Variants in ADAMTSL3 observed in about 807,000 individuals in gnomAD.
The protein encoded by ADAMTSL3 is ADAMTS-like protein 3.
ADAMTSL3 carries 128 observed loss-of-function variants against 201.7 expected under a neutral mutation model. The ratio of observed to expected loss-of-function variants is 0.63; its 90% CI spans 0.55 to 0.73. The LOEUF (loss-of-function observed/expected upper bound fraction) is 0.73, where lower values mean the gene tolerates loss of function less well. ADAMTSL3 is among the 30% of genes least tolerant of loss of function. The pLI, the probability that ADAMTSL3 is intolerant of heterozygous loss-of-function variation, is 0.00. For missense variants in ADAMTSL3, 1,990 were observed against 2,119.6 expected (o/e 0.94, Z 1.20); for synonymous variants, 738 against 748.4 (o/e 0.99, Z 0.23).
At chr15:83,697,520 T>C (rs2061702291) in intron 2 of ADAMTSL3, among the ~76,000 whole-genome samples, 1 of 152,236 alleles carries the variant, frequency 6.6e-6, no homozygotes, top group African/African-American at 2.4e-5. Flanking sequence ...GAGCCTCTCC[T>C]TGGCTTTGAC....
chr15:83,877,548 G>T (rs2065199223), intron 9 of ADAMTSL3, among the ~76,000 whole-genome samples: 1 of 152,138 alleles, frequency 6.6e-6, no homozygotes, highest in Non-Finnish European at 1.5e-5. Flanking sequence ...GTAAGTTTCA[G>T]CTTTGTTCTT....
chr15:83,830,431 G>T (rs909295096), intron 6 of ADAMTSL3, among the ~76,000 whole-genome samples: 1 of 152,180 alleles, frequency 6.6e-6, no homozygotes, highest in Non-Finnish European at 1.5e-5. Context: ...GCGAGACCAT[G>T]AAAAACGGAA....
chr15:83,928,257 C>G (rs1468995456), intron 17 of ADAMTSL3, among the ~76,000 whole-genome samples: 3 of 152,126 alleles, frequency 2.0e-5, no homozygotes, highest in Non-Finnish European at 4.4e-5. Context: ...TCAAGACATC[C>G]TCTCATCTCA....
chr15:84,025,570 T>C (rs553209889), intron 27 of ADAMTSL3, 134 bp downstream of exon 27: 76 of 819,740 alleles, frequency 9.3e-5, no homozygotes, highest in Non-Finnish European at 1.3e-4. Context: ...AATGAATGTA[T>C]GTCTTTGACC....
intron 2 of ADAMTSL3, among the ~76,000 whole-genome samples, chr15:83,657,457 G>A (rs2061103695): frequency 6.6e-6 from 1 of 152,148 alleles, no homozygotes; most frequent in African/African-American, 2.4e-5. Context: ...CTCACTGTTC[G>A]GATCCCAGCT....
At chr15:83,660,504 TGTGTCTGA>T (rs936274820) in intron 2 of ADAMTSL3, among the ~76,000 whole-genome samples, 4 of 152,210 alleles carry the variant, frequency 2.6e-5, no homozygotes. Flanking sequence ...GTCATAACCT[TGTGTCTGA>T]GTGTTGCCCC....
chr15:83,796,376 C>G (rs902113902), intron 4 of ADAMTSL3, among the ~76,000 whole-genome samples: 2 of 152,138 alleles, frequency 1.3e-5, no homozygotes, highest in African/African-American at 4.8e-5. Context: ...TGCTCTTACA[C>G]AGTACCAAAA....
At chr15:83,912,987 G>A in intron 15 of ADAMTSL3, 105 bp from the exon 16 acceptor site, 2 of 1,222,404 alleles carry the variant, frequency 1.6e-6, no homozygotes, top group East Asian at 2.3e-5. Flanking sequence ...TCCACCGAGT[G>A]AAGCTGGTTA....
chr15:83,985,548 C>T (rs745773147), intron 21 of ADAMTSL3, among the ~76,000 whole-genome samples: 11 of 152,114 alleles, frequency 7.2e-5, no homozygotes, highest in Admixed American at 1.3e-4. Context: ...CCCATTGTGT[C>T]GTATGGGATA....
chr15:83,698,001 C>T (rs911930568), intron 2 of ADAMTSL3, among the ~76,000 whole-genome samples: 1 of 151,944 alleles, frequency 6.6e-6, no homozygotes, highest in Non-Finnish European at 1.5e-5. Context: ...AATTTAGGGG[C>T]TGAGTCAGAT....
chr15:83,661,814 A>T (rs1169934994), intron 2 of ADAMTSL3, among the ~76,000 whole-genome samples: 1 of 150,048 alleles, frequency 6.7e-6, no homozygotes, highest in Non-Finnish European at 1.5e-5. Flanking sequence ...CAAAAAACAC[A>T]TGAAAAAATG....
At chr15:83,841,749 GAAAAC>G (rs1386257234) in intron 7 of ADAMTSL3, among the ~76,000 whole-genome samples, 1 of 151,828 alleles carries the variant, frequency 6.6e-6, no homozygotes, top group African/African-American at 2.4e-5. Flanking sequence ...CAGGGACTCT[GAAAAC>G]AGAGTCCCTG....
intron 6 of ADAMTSL3, among the ~76,000 whole-genome samples, chr15:83,821,926 T>C (rs2063876662): frequency 7.1e-6 from 1 of 141,280 alleles, no homozygotes; most frequent in Non-Finnish European, 1.5e-5. Flanking sequence ...GAGGGGCTCC[T>C]CACTTCCCAG....
At chr15:84,034,772 T>C (rs1286655191) in intron 28 of ADAMTSL3, among the ~76,000 whole-genome samples, 1 of 152,144 alleles carries the variant, frequency 6.6e-6, no homozygotes, top group Admixed American at 6.5e-5. Context: ...AGCAGTTCCA[T>C]CTGGCTGATG....
At chr15:83,716,420 G>A (rs1228974571) in intron 3 of ADAMTSL3, among the ~76,000 whole-genome samples, 1 of 151,554 alleles carries the variant, frequency 6.6e-6, no homozygotes, top group Admixed American at 6.6e-5. Context: ...AGGAGGTTGA[G>A]GTAGAATTGC....
chr15:83,987,633 A>G (rs777132461), intron 21 of ADAMTSL3, among the ~76,000 whole-genome samples: 1 of 152,212 alleles, frequency 6.6e-6, no homozygotes, highest in East Asian at 1.9e-4. Flanking sequence ...AGTTTGCCAG[A>G]AAGGAGGAAG....
intron 2 of ADAMTSL3, among the ~76,000 whole-genome samples, chr15:83,663,806 A>G (rs893413656): frequency 1.2e-4 from 19 of 152,368 alleles, no homozygotes; most frequent in African/African-American, 4.1e-4. Context: ...AAAATCTGCA[A>G]TACAGAGTTA....
intron 2 of ADAMTSL3, among the ~76,000 whole-genome samples, chr15:83,672,138 T>C (rs1327277631): frequency 1.3e-5 from 2 of 152,072 alleles, no homozygotes; most frequent in Non-Finnish European, 2.9e-5. Context: ...TAAATCCAAA[T>C]AGAAGTGACC....
intron 4 of ADAMTSL3, among the ~76,000 whole-genome samples, chr15:83,786,103 G>C (rs2063258784): frequency 6.6e-6 from 1 of 151,890 alleles, no homozygotes; most frequent in African/African-American, 2.4e-5. Flanking sequence ...CAGCCTCCCA[G>C]AGTGCTGGGA....
Sources: gnomAD v4.1 joint callset for allele counts (sites outside exome capture counted in the v4.1 genomes callset) on GRCh38, gnomAD v4.1.1 for gene constraint, MANE v1.5 for transcripts, NCBI Gene and HGNC (gene_info 2026-07-23, HGNC 2026-07-21) for gene names.